ACOT13: variants seen among roughly 807,000 people sequenced by gnomAD.
ACOT13 encodes the protein acyl-CoA thioesterase 13.
Under a neutral mutation model 11.8 loss-of-function variants are expected in ACOT13, and 10 were observed. That is an observed-to-expected ratio of 0.85 (90% CI 0.53 to 1.44). The LOEUF is 1.44. ACOT13 is among the 40% of genes most tolerant of loss of function. The pLI is 0.00. For missense variants in ACOT13, 172 were observed against 174.1 expected (o/e 0.99, Z 0.07); for synonymous variants, 53 against 61.0 (o/e 0.87, Z 0.61).
At chr6:24,677,783 C>T (rs984580459) in intron 1 of ACOT13, among the ~76,000 whole-genome samples, 4 of 152,178 alleles carry the variant, frequency 2.6e-5, no homozygotes, top group Non-Finnish European at 5.9e-5. Flanking sequence ...AATCCATATT[C>T]GGCAGAAGCT....
chr6:24,682,664 G>A (rs1176708678), intron 1 of ACOT13, among the ~76,000 whole-genome samples: 1 of 151,908 alleles, frequency 6.6e-6, no homozygotes, highest in Non-Finnish European at 1.5e-5. Flanking sequence ...AGTCAGTGGT[G>A]GGTCTGCAGT....
intron 2 of ACOT13, 133 bp downstream of exon 2, chr6:24,698,200 T>C (rs1371747664): frequency 6.1e-6 from 5 of 813,762 alleles, no homozygotes; most frequent in African/African-American, 1.8e-5. Flanking sequence ...CACCTATAGA[T>C]TTTGTCCTAA....
chr6:24,690,271 G>T, intron 1 of ACOT13, among the ~76,000 whole-genome samples: 1 of 152,230 alleles, frequency 6.6e-6, no homozygotes, highest in African/African-American at 2.4e-5. Context: ...CACAATTTGC[G>T]CTTTCCCTCT....
chr6:24,678,695 G>T (rs906743562), intron 1 of ACOT13, among the ~76,000 whole-genome samples: 12 of 152,152 alleles, frequency 7.9e-5, no homozygotes, highest in African/African-American at 2.9e-4. Flanking sequence ...TTGCTAGAAT[G>T]TCTCCCCCTA....
At chr6:24,692,801 C>T (rs1025879668) in intron 1 of ACOT13, among the ~76,000 whole-genome samples, 2 of 152,204 alleles carry the variant, frequency 1.3e-5, no homozygotes, top group African/African-American at 4.8e-5. Context: ...ATGGGGAAAC[C>T]TCAGTTCAGG....
At chr6:24,670,760 G>C (rs1004551063) in intron 1 of ACOT13, among the ~76,000 whole-genome samples, 1 of 152,122 alleles carries the variant, frequency 6.6e-6, no homozygotes, top group African/African-American at 2.4e-5. Flanking sequence ...CAAAAGAAAA[G>C]TTTCAAGGCT....
At chr6:24,699,386 AT>A (rs1315229565) in intron 2 of ACOT13, among the ~76,000 whole-genome samples, 3 of 151,660 alleles carry the variant, frequency 2.0e-5, no homozygotes, top group African/African-American at 2.4e-5. Context: ...ATTTGTTTGT[AT>A]TTTTAGTAGA....
chr6:24,699,370 C>T lies in ACOT13; in HGVS notation c.266+1303C>T, dbSNP rs560470765. On this transcript the variant is annotated intron_variant, in intron 2 of 2. Coordinates refer to ENST00000230048, the MANE Select transcript of ACOT13 (RefSeq NM_018473.4). The stretch of plus-strand genomic sequence containing the variant: ...GACTACAGGCGCCTGCCACCATGCC[C>T]GACTAATTTGTTTGTATTTTTAGTA... Among the ~76,000 whole-genome samples the T allele has an allele frequency of 5.5e-4, 84 of 152,114 alleles. 1 individual carries two copies. Among genetic ancestry groups the T allele is most frequent in the East Asian group, 4.8e-3 (25 of 5,156 alleles).
chr6:24,681,580 C>CTCTCCCTCTCTCTCCG (rs1491500746), intron 1 of ACOT13, among the ~76,000 whole-genome samples: 1 of 9,778 alleles, frequency 1.0e-4, no homozygotes, highest in African/African-American at 2.6e-3. Context: ...CTCTCTCCGT[C>CTCTCCCTCTCTCTCCG]TCTCTCTCTC....
chr6:24,674,249 G>T (rs1367339946), intron 1 of ACOT13, among the ~76,000 whole-genome samples: 1 of 152,102 alleles, frequency 6.6e-6, no homozygotes, highest in African/African-American at 2.4e-5. Context: ...AGTAGGGACA[G>T]GGTTTCACCA....
chr6:24,669,375 T>C (rs1778321984), intron 1 of ACOT13, among the ~76,000 whole-genome samples: 1 of 152,204 alleles, frequency 6.6e-6, no homozygotes, highest in Non-Finnish European at 1.5e-5. Context: ...CTTTTGAGTT[T>C]CTGATTTACC....
chr6:24,669,163 G>GC (rs1387653199), intron 1 of ACOT13, among the ~76,000 whole-genome samples: 2 of 152,202 alleles, frequency 1.3e-5, no homozygotes, highest in East Asian at 3.8e-4. Context: ...GGATGCGCAC[G>GC]CAGTGACACA....
rs147666012 is a variant in ACOT13 at position 24,686,132 on chromosome 6, G to A, written c.82-11751G>A. Among the ~76,000 whole-genome samples the A allele has an allele frequency of 1.7e-4, 26 of 152,000 alleles. 1 individual carries two copies. The East Asian group carries it at 2.9e-3, about 17-fold the overall frequency. ...ATTTGTCAACAAACTAAGTACTGTGGGACTATAAAGAAATACTAACCATAG... is the reference window on the plus strand; with the variant it reads ...ATTTGTCAACAAACTAAGTACTGTGAGACTATAAAGAAATACTAACCATAG... On this transcript the variant is annotated intron_variant, in intron 1 of 2. Transcript: ENST00000230048.
intron 1 of ACOT13, among the ~76,000 whole-genome samples, chr6:24,680,554 C>T (rs1342290979): frequency 4.6e-5 from 7 of 152,058 alleles, no homozygotes; most frequent in Admixed American, 6.6e-5. Flanking sequence ...CTCTGCTTAT[C>T]GGATTAGTTA....
At chr6:24,669,099 A>C (rs796428324) in intron 1 of ACOT13, among the ~76,000 whole-genome samples, 40 of 152,320 alleles carry the variant, frequency 2.6e-4, no homozygotes, top group African/African-American at 8.7e-4. Flanking sequence ...TGTGAACCCC[A>C]AAAATTTGAG....
chr6:24,680,714 T>G (rs1778533344), intron 1 of ACOT13, among the ~76,000 whole-genome samples: 1 of 152,186 alleles, frequency 6.6e-6, no homozygotes, highest in African/African-American at 2.4e-5. Flanking sequence ...TGGGCTGGGT[T>G]CCTGGGTATT....
intron 1 of ACOT13, among the ~76,000 whole-genome samples, chr6:24,681,736 A>G (rs1778554690): frequency 6.6e-6 from 1 of 152,166 alleles, no homozygotes; most frequent in South Asian, 2.1e-4. Context: ...TAAGGACACA[A>G]CGCAGAGCCT....
At chr6:24,681,585 TC>T (rs1778551608) in intron 1 of ACOT13, among the ~76,000 whole-genome samples, 2 of 152,008 alleles carry the variant, frequency 1.3e-5, no homozygotes, top group African/African-American at 4.8e-5. Context: ...TCCGTCTCTC[TC>T]TCTCTCAGCC....
chr6:24,677,686 C>T (rs1778478686), intron 1 of ACOT13, among the ~76,000 whole-genome samples: 1 of 152,250 alleles, frequency 6.6e-6, no homozygotes, highest in Admixed American at 6.5e-5. Flanking sequence ...GCCACTTCTG[C>T]TTCAGGTGTC....
Sources: gnomAD v4.1 joint callset for allele counts (sites outside exome capture counted in the v4.1 genomes callset) on GRCh38, gnomAD v4.1.1 for gene constraint, MANE v1.5 for transcripts, NCBI Gene and HGNC (gene_info 2026-07-23, HGNC 2026-07-21) for gene names.